Variants in SLC45A2 observed in about 807,000 individuals in gnomAD.
SLC45A2 encodes the protein solute carrier family 45 member 2.
Under a neutral mutation model 45.5 loss-of-function variants are expected in SLC45A2, and 36 were observed. The ratio of observed to expected loss-of-function variants is 0.79; its 90% CI spans 0.61 to 1.04. The LOEUF (loss-of-function observed/expected upper bound fraction) is 1.04, where lower values mean the gene tolerates loss of function less well. SLC45A2 is among the 50% of genes least tolerant of loss of function. SLC45A2 has a pLI of 0.00. For missense variants in SLC45A2, 719 were observed against 671.0 expected, an observed-to-expected ratio of 1.07 and a Z score of -0.79; for synonymous variants, 306 against 269.3, an observed-to-expected ratio of 1.14 and a Z score of -1.33.
At chr5:33,956,582 G>C (rs1752283987) in intron 3 of SLC45A2, among the ~76,000 whole-genome samples, 1 of 152,148 alleles carries the variant, frequency 6.6e-6, no homozygotes, top group Non-Finnish European at 1.5e-5. Flanking sequence ...ACACACAAAA[G>C]CTTCACCAGG....
At chr5:33,966,594 C>A (rs949914301) in intron 2 of SLC45A2, among the ~76,000 whole-genome samples, 1 of 151,982 alleles carries the variant, frequency 6.6e-6, no homozygotes, top group Admixed American at 6.5e-5. Context: ...GCGCCCGCCA[C>A]CGGAGAAGCT....
In SLC45A2 at chr5:33,954,469, T is replaced by C; in HGVS notation, c.924A>G (p.Arg308=). 1 of 1,614,054 alleles carries C rather than the reference T, an allele frequency of 6.2e-7. No homozygotes were observed. Among genetic ancestry groups the C allele is most frequent in the East Asian group, 2.2e-5 (1 of 44,892 alleles). ...RRAMTLKSLL[R]ALVNMPPHYR... ...AGTGAGGAGGCATGTTCACCAGTGC[T>C]CTCAGCAGTGACTTTAATGTCATTG... Residue 308 remains arginine, a synonymous_variant, in exon 4 of 7, where the codon AGA becomes AGG. Coordinates refer to ENST00000296589, the MANE Select transcript of SLC45A2 (RefSeq NM_016180.5).
intron 5 of SLC45A2, 33 bp downstream of exon 5, chr5:33,951,521 T>C (rs1161011934): frequency 1.4e-5 from 23 of 1,613,902 alleles, no homozygotes; most frequent in Non-Finnish European, 1.9e-5. Flanking sequence ...CAGAAACTTT[T>C]AGAAGACATC....
chr5:33,973,183 G>A (rs1752834605), intron 2 of SLC45A2, among the ~76,000 whole-genome samples: 1 of 152,178 alleles, frequency 6.6e-6, no homozygotes, highest in African/African-American at 2.4e-5. Flanking sequence ...GAAACAGGGA[G>A]GACAAAGTCC....
intron 3 of SLC45A2, among the ~76,000 whole-genome samples, chr5:33,956,701 A>AT (rs1752287907): frequency 6.6e-6 from 1 of 152,182 alleles, no homozygotes. Context: ...CAGAGTCCTG[A>AT]TTTAGCTCCT....
chr5:33,982,685 G>A (rs190647956), intron 1 of SLC45A2, among the ~76,000 whole-genome samples: 2 of 152,116 alleles, frequency 1.3e-5, no homozygotes. Flanking sequence ...ATGGTAATGG[G>A]TTTATTTTGG....
At chr5:33,984,164 T>C in intron 1 of SLC45A2, 35 bp downstream of exon 1, 1 of 1,612,778 alleles carries the variant, frequency 6.2e-7, no homozygotes, top group Non-Finnish European at 8.5e-7. Flanking sequence ...CTAAGACACA[T>C]ATCCCTGTCT....
chr5:33,965,969 C>T lies in SLC45A2; in HGVS notation c.563-1953G>A, dbSNP rs1189532108. 2.0e-5 allele frequency among the ~76,000 whole-genome samples: 3 copies of T among 152,176 alleles called. No homozygotes were observed. In the East Asian group the frequency reaches 5.8e-4, roughly 29 times the overall value. On this transcript the variant is annotated intron_variant, in intron 2 of 6. Transcript: ENST00000296589. ...CTTTTTCGAAACTATCATTTGTAAA[C>T]AGATCAAGGGTTTTCACATTGCCAT...
intron 2 of SLC45A2, among the ~76,000 whole-genome samples, chr5:33,981,949 T>C (rs1399796590): frequency 6.6e-6 from 1 of 152,238 alleles, no homozygotes; most frequent in African/African-American, 2.4e-5. Context: ...TCTGCTCTAA[T>C]GCAAAAGTAC....
chr5:33,951,474 A>T, intron 5 of SLC45A2, 80 bp downstream of exon 5: 1 of 1,610,084 alleles, frequency 6.2e-7, no homozygotes, highest in African/African-American at 1.3e-5. Flanking sequence ...ACAGTAGGAA[A>T]TACACATAGA....
intron 3 of SLC45A2, 56 bp downstream of exon 3, chr5:33,963,635 C>T: frequency 6.3e-7 from 1 of 1,582,588 alleles, no homozygotes; most frequent in South Asian, 1.1e-5. Context: ...AAAACAACAA[C>T]AACAACAAAG....
At chr5:33,947,125 T>C in intron 6 of SLC45A2, 38 bp downstream of exon 6, 1 of 1,614,232 alleles carries the variant, frequency 6.2e-7, no homozygotes, top group Non-Finnish European at 8.5e-7. Flanking sequence ...CAGATGAGTC[T>C]GGATGTTACC....
chr5:33,945,535 G>T (rs1416347990), intron 6 of SLC45A2, among the ~76,000 whole-genome samples: 1 of 148,010 alleles, frequency 6.8e-6, no homozygotes, highest in East Asian at 2.5e-4. Context: ...TTATGTGCTG[G>T]GCCTGGGTTT....
rs531528393 is a variant in SLC45A2 at position 33,984,466 on chromosome 5, T to C, written c.118A>G (p.Met40Val). The C allele has an allele frequency of 3.4e-5, 55 of 1,613,756 alleles. No individual in the cohort carries two copies. In the South Asian group the frequency reaches 5.4e-4, roughly 16 times the overall value. ...CAGAACTCTCTTCCGAACATGGCCATGCTGTGCATGATGAGTCTGCTGGTG... is the reference window on the plus strand; with the variant it reads ...CAGAACTCTCTTCCGAACATGGCCACGCTGTGCATGATGAGTCTGCTGGTG... ...RPTSRLIMHSMAMFGREFCYA... is the reference protein window; with the variant it reads ...RPTSRLIMHSVAMFGREFCYA... The change falls in exon 1 of 7, where the codon ATG (methionine) becomes GTG (valine). Residue 40 changes from methionine (M) to valine (V), a missense_variant. Physicochemically the swap from Met to Val is conservative, Grantham distance 21 (BLOSUM62 1). Coordinates refer to ENST00000296589, the MANE Select transcript of SLC45A2 (RefSeq NM_016180.5).
intron 3 of SLC45A2, among the ~76,000 whole-genome samples, chr5:33,956,649 ATGT>A (rs1752286252): frequency 6.6e-6 from 1 of 152,294 alleles, no homozygotes; most frequent in Non-Finnish European, 1.5e-5. Flanking sequence ...AACAAGGGCA[ATGT>A]TGTGATAATT....
chr5:33,963,487 A>G (rs1283897295), intron 3 of SLC45A2, among the ~76,000 whole-genome samples: 1 of 152,142 alleles, frequency 6.6e-6, no homozygotes, highest in Admixed American at 6.5e-5. Context: ...AAGAGACAGG[A>G]GGACCAGAGG....
At chr5:33,971,273 A>G in intron 2 of SLC45A2, 2 of 529,426 alleles carry the variant, frequency 3.8e-6, no homozygotes, top group South Asian at 2.8e-5. Flanking sequence ...TTGGAGGGCT[A>G]TCAGAATAGA....
rs1752111019 is a variant in SLC45A2, at chr5:33,951,814, T to C, written c.1033-137A>G. 5 of 1,049,840 alleles carry C rather than the reference T, an allele frequency of 4.8e-6. No homozygotes were observed. In the South Asian group the frequency reaches 6.3e-5, roughly 13 times the overall value. 65.0% of individuals were successfully genotyped at this position (1,049,840 alleles called of 1,614,324 possible). A position where few individuals can be genotyped will look rare whatever the true frequency, so the allele number is the denominator to read the frequency against. The stretch of plus-strand genomic sequence containing the variant: ...TTTCTAGAGTACAGAGCTGATGCTG[T>C]CATGACCAAGTCGCATCCTATCACA... On this transcript the variant is annotated intron_variant, in intron 4 of 6. Coordinates refer to ENST00000296589, the MANE Select transcript of SLC45A2 (RefSeq NM_016180.5).
chr5:33,979,344 C>T (rs903381321), intron 2 of SLC45A2, among the ~76,000 whole-genome samples: 4 of 152,164 alleles, frequency 2.6e-5, no homozygotes, highest in Admixed American at 2.0e-4. Flanking sequence ...TAGAAGAGAG[C>T]GTCTGGGTTA....
Sources: gnomAD v4.1 joint callset for allele counts (sites outside exome capture counted in the v4.1 genomes callset) on GRCh38, gnomAD v4.1.1 for gene constraint, MANE v1.5 for transcripts, NCBI Gene and HGNC (gene_info 2026-07-23, HGNC 2026-07-21) for gene names.